Variants in MARCHF11 observed in about 807,000 individuals in gnomAD.
The protein encoded by MARCHF11 is membrane associated ring-CH-type finger 11.
MARCHF11 carries 29 observed loss-of-function variants against 37.3 expected under a neutral mutation model. The ratio of observed to expected loss-of-function variants is 0.78; its 90% CI spans 0.58 to 1.06. MARCHF11 has a LOEUF of 1.06. Among genes scored for constraint, MARCHF11 ranks in the 50% least tolerant of loss-of-function variants. The pLI is 0.00. For synonymous variants in MARCHF11, 233 were observed against 228.0 expected (o/e 1.02, Z -0.20); for missense variants, 482 against 533.4 (o/e 0.90, Z 0.95).
intron 2 of MARCHF11, among the ~76,000 whole-genome samples, chr5:16,177,043 G>A (rs1433965520): frequency 6.6e-6 from 1 of 152,050 alleles, no homozygotes; most frequent in Non-Finnish European, 1.5e-5. Flanking sequence ...ATTTTCCAGG[G>A]CATTTGTAGA....
At chr5:16,081,845 G>C (rs1736615037) in intron 3 of MARCHF11, among the ~76,000 whole-genome samples, 2 of 152,278 alleles carry the variant, frequency 1.3e-5, no homozygotes, top group South Asian at 4.1e-4. Flanking sequence ...CCCTTGAGGG[G>C]GCCTTAAAGG....
At chr5:16,082,428 T>C (rs76206219) in intron 3 of MARCHF11, among the ~76,000 whole-genome samples, 4,125 of 152,234 alleles carry the variant, frequency 0.027, 169 homozygotes, top group African/African-American at 0.094. Flanking sequence ...CATGTCTGTG[T>C]GAGTAACAGA....
intron 2 of MARCHF11, among the ~76,000 whole-genome samples, chr5:16,104,825 A>T (rs1737011657): frequency 6.6e-6 from 1 of 152,012 alleles, no homozygotes; most frequent in Non-Finnish European, 1.5e-5. Context: ...TCTTTGCTGT[A>T]TGGCTTTGAG....
At chr5:16,070,593 C>T (rs1373682773) in intron 3 of MARCHF11, among the ~76,000 whole-genome samples, 1 of 152,196 alleles carries the variant, frequency 6.6e-6, no homozygotes, top group Admixed American at 6.5e-5. Flanking sequence ...GGCCAGAAAT[C>T]AGATCACTTA....
intron 2 of MARCHF11, among the ~76,000 whole-genome samples, chr5:16,169,908 G>A (rs1231793324): frequency 1.3e-5 from 2 of 152,032 alleles, no homozygotes; most frequent in East Asian, 3.9e-4. Flanking sequence ...GAAAGAAGCC[G>A]AGTTTCCTTT....
At chr5:16,113,726 G>T (rs1737185301) in intron 2 of MARCHF11, among the ~76,000 whole-genome samples, 1 of 152,154 alleles carries the variant, frequency 6.6e-6, no homozygotes, top group Non-Finnish European at 1.5e-5. Context: ...AATGTGTAAT[G>T]AAGAAATCAT....
chr5:16,118,166 CG>C (rs1014148107), intron 2 of MARCHF11, among the ~76,000 whole-genome samples: 36 of 152,080 alleles, frequency 2.4e-4, no homozygotes, highest in African/African-American at 8.0e-4. Context: ...ATGGGACGCG[CG>C]GGGGGAAAGG....
chr5:16,093,256 C>T (rs566189707), intron 2 of MARCHF11, among the ~76,000 whole-genome samples: 1 of 152,128 alleles, frequency 6.6e-6, no homozygotes, highest in Admixed American at 6.6e-5. Context: ...CAAGAAGAGA[C>T]TTTACTGATA....
intron 2 of MARCHF11, among the ~76,000 whole-genome samples, chr5:16,152,990 G>C (rs2126599143): frequency 6.6e-6 from 1 of 152,084 alleles, no homozygotes; most frequent in East Asian, 1.9e-4. Context: ...TTGATGCATT[G>C]TCCAATGTTC....
chr5:16,067,792 A>G lies in MARCHF11; in HGVS notation c.888T>C (p.Gly296=). The G allele has an allele frequency of 6.3e-7, 1 of 1,599,008 alleles. No homozygotes were observed. The highest frequency in any genetic ancestry group is 8.5e-7 in the Non-Finnish European group (1 of 1,172,366). ...CTGCAGCTCCTTCATGAACAATGAG[A>G]CCTAAAATTTGAGAAAATAAAAAAC... ...MYGFMDLVCI[G]LIVHEGAAVY... Residue 296 remains glycine (G), a splice_region_variant and synonymous_variant, in exon 4 of 4, where the codon GGT becomes GGC. Transcript: ENST00000332432.
chr5:16,090,899 T>G lies in MARCHF11; in HGVS notation c.876A>C (p.Leu292=). Residue 292 remains leucine, a synonymous_variant, in exon 3 of 4, where the codon CTA becomes CTC. Transcript: ENST00000332432. ...AGGTCATGGTCTTACCTATGCACAC[T>G]AGATCCATAAAACCATACATTCCAT... ...ICYGMYGFMD[L]VCIGLIVHEG... is the part of the protein sequence containing the mutation. The G allele has an allele frequency of 4.4e-6, 7 of 1,603,244 alleles. No individual in the cohort carries two copies. The highest frequency in any genetic ancestry group is 6.0e-6 in the Non-Finnish European group (7 of 1,175,654).
At chr5:16,167,325 G>A (rs1738188869) in intron 2 of MARCHF11, among the ~76,000 whole-genome samples, 1 of 152,110 alleles carries the variant, frequency 6.6e-6, no homozygotes, top group Non-Finnish European at 1.5e-5. Flanking sequence ...CAAGAGAGCT[G>A]AAAGCACAGA....
chr5:16,090,265 GAT>G (rs1736770193), intron 3 of MARCHF11, among the ~76,000 whole-genome samples: 1 of 152,188 alleles, frequency 6.6e-6, no homozygotes, highest in African/African-American at 2.4e-5. Context: ...GGGAACAACA[GAT>G]GGGTCAAAGG....
At position 16,116,748 on chromosome 5, in the gene MARCHF11, TA is replaced by T. The variant is rs1418101318; in HGVS notation, c.694-25668del. Among the ~76,000 whole-genome samples, 9 of 152,266 alleles carry T rather than the reference TA, an allele frequency of 5.9e-5. No homozygotes were observed. The South Asian group carries it at 1.0e-3, about 18-fold the overall frequency. On this transcript the variant is annotated intron_variant, in intron 2 of 3. Transcript: ENST00000332432. ...TATCATACAATGATGAACAGCTGCA[TA>T]AAAATATCTAAACCTACAAATGAAC...
At chr5:16,134,998 T>TCACACACACACA (rs1553996992) in intron 2 of MARCHF11, among the ~76,000 whole-genome samples, 1 of 143,704 alleles carries the variant, frequency 7.0e-6, no homozygotes, top group African/African-American at 2.6e-5. Flanking sequence ...TCTCTCTCTC[T>TCACACACACACA]CACACACACA....
chr5:16,097,739 C>T (rs532273582), intron 2 of MARCHF11, among the ~76,000 whole-genome samples: 1 of 152,310 alleles, frequency 6.6e-6, no homozygotes, highest in South Asian at 2.1e-4. Context: ...GGACCAGTTT[C>T]ACCAGATGTT....
chr5:16,105,731 G>A (rs1454684085), intron 2 of MARCHF11, among the ~76,000 whole-genome samples: 3 of 152,094 alleles, frequency 2.0e-5, no homozygotes, highest in Admixed American at 6.5e-5. Context: ...AGGCAGAAAG[G>A]AATGTGCCCA....
At chr5:16,145,161 G>C (rs1157264174) in intron 2 of MARCHF11, among the ~76,000 whole-genome samples, 3 of 152,194 alleles carry the variant, frequency 2.0e-5, no homozygotes, top group Non-Finnish European at 4.4e-5. Context: ...GGGAGGGAAG[G>C]AATAATTTTA....
Position 16,179,239 on chromosome 5 carries a change from C to T in MARCHF11, c.337G>A (p.Ala113Thr). ...GEGPRRLPEA[A>T]AAKGGPGESE... is the part of the protein sequence containing the mutation. The stretch of plus-strand genomic sequence containing the variant: ...TCCCCGGGGCCGCCTTTCGCTGCTG[C>T]CGCCTCCGGGAGGCGCCTCGGACCT... Residue 113 changes from alanine (A) to threonine (T), a missense_variant, in exon 1 of 4, where the codon GCA becomes ACA. Physicochemically the swap from Ala to Thr is moderately conservative, Grantham distance 58 (BLOSUM62 0). Coordinates refer to ENST00000332432, the MANE Select transcript of MARCHF11 (RefSeq NM_001102562.3). 4 of 1,344,380 alleles carry T rather than the reference C, an allele frequency of 3.0e-6. No individual in the cohort carries two copies. Among genetic ancestry groups the T allele is most frequent in the South Asian group, 1.8e-5 (1 of 55,830 alleles). The allele number at this position is 1,344,380 out of a possible 1,614,324, so 83.3% of individuals were successfully genotyped here. A position where few individuals can be genotyped will look rare whatever the true frequency, so the allele number is the denominator to read the frequency against.
Sources: allele counts gnomAD v4.1 joint callset (sites outside exome capture counted in the v4.1 genomes callset), GRCh38; gene constraint gnomAD v4.1.1; transcripts MANE v1.5; gene names NCBI Gene and HGNC (gene_info 2026-07-23, HGNC 2026-07-21).